Variants in ART1 observed in about 807,000 individuals in gnomAD.
ART1 encodes ADP-ribosyltransferase 1.
In ART1, 29 loss-of-function variants were observed where a neutral mutation model predicts 27.0. That is an observed-to-expected ratio of 1.08 (90% CI 0.80 to 1.47). The LOEUF is 1.47. Among genes scored for constraint, ART1 ranks in the 40% most tolerant of loss-of-function variants. The probability of loss-of-function intolerance (pLI) is 0.00; values close to 1 mark genes in which losing one functional copy is unlikely to be tolerated. For synonymous variants in ART1, 201 were observed against 172.2 expected (o/e 1.17, Z -1.31); for missense variants, 480 against 423.0 (o/e 1.13, Z -1.18).
rs958319855 is a variant in ART1, at chr11:3,648,294, C to T, written c.-53+3115C>T. Among the ~76,000 whole-genome samples the T allele has an allele frequency of 1.2e-4, 18 of 152,218 alleles. 1 individual carries two copies. Among genetic ancestry groups the T allele is most frequent in the East Asian group, 5.8e-4 (3 of 5,200 alleles). On this transcript the variant is annotated intron_variant, in intron 1 of 4. Coordinates refer to ENST00000250693, the MANE Select transcript of ART1 (RefSeq NM_004314.3). The stretch of plus-strand genomic sequence containing the variant: ...AAGCCTGTTTGGTGGTGTCTTCACA[C>T]GGACGCGCATGAAATTTGGTGCCCT...
chr11:3,656,142 C>T (rs2077572980), intron 1 of ART1, among the ~76,000 whole-genome samples: 1 of 151,888 alleles, frequency 6.6e-6, no homozygotes, highest in Non-Finnish European at 1.5e-5. Context: ...CCATGTTGGC[C>T]AGTCTGGTTT....
chr11:3,663,598 ATTT>A (rs1031937100), intron 4 of ART1, among the ~76,000 whole-genome samples: 1 of 151,812 alleles, frequency 6.6e-6, no homozygotes, highest in Non-Finnish European at 1.5e-5. Flanking sequence ...TATTAAAAAA[ATTT>A]TTTTTTGAGA....
At chr11:3,660,447 A>G in intron 3 of ART1, 84 bp downstream of exon 3, 1 of 1,446,512 alleles carries the variant, frequency 6.9e-7, no homozygotes, top group South Asian at 1.3e-5. Context: ...CGAAGCCCCT[A>G]TCTCCTGTGT....
At chr11:3,648,506 C>T (rs906256212) in intron 1 of ART1, among the ~76,000 whole-genome samples, 4 of 152,218 alleles carry the variant, frequency 2.6e-5, no homozygotes, top group African/African-American at 9.6e-5. Context: ...TATCCCTCAA[C>T]CTCTTTCCCC....
intron 1 of ART1, among the ~76,000 whole-genome samples, chr11:3,653,466 C>A (rs1021746041): frequency 2.0e-5 from 3 of 149,606 alleles, no homozygotes; most frequent in Non-Finnish European, 4.4e-5. Flanking sequence ...GAGAACAACC[C>A]CCCTTTGACT....
At chr11:3,662,336 G>A (rs2077627177) in intron 4 of ART1, among the ~76,000 whole-genome samples, 2 of 152,182 alleles carry the variant, frequency 1.3e-5, no homozygotes, top group South Asian at 4.1e-4. Flanking sequence ...AGGCCACCAT[G>A]TTTCTAGGTG....
At chr11:3,661,924 G>A (rs973692628) in intron 4 of ART1, among the ~76,000 whole-genome samples, 5 of 152,220 alleles carry the variant, frequency 3.3e-5, no homozygotes, top group Non-Finnish European at 7.3e-5. Flanking sequence ...ATGGTTGAGG[G>A]AGCAGGGACA....
chr11:3,659,835 C>A lies in ART1; in HGVS notation c.316C>A (p.Pro106Thr), dbSNP rs1208223319. Residue 106 changes from proline (P) to threonine (T), a missense_variant, in exon 3 of 5, where the codon CCA becomes ACA. By Grantham distance (38) the Pro-to-Thr change is conservative. Transcript: ENST00000250693. Reference sequence around the variant, plus strand: ...TCTCAGCCCCACCCGTCCATCCCCGCCACCCCTGGGCTTCCGCGATGAGCA... The same window carrying A: ...TCTCAGCCCCACCCGTCCATCCCCGACACCCCTGGGCTTCCGCGATGAGCA... Reference protein sequence around the residue: ...WSLSPTRPSPPPLGFRDEHGV... With the variant: ...WSLSPTRPSPTPLGFRDEHGV... The A allele has an allele frequency of 1.9e-6, 3 of 1,612,072 alleles. No individual in the cohort carries two copies. Among genetic ancestry groups the A allele is most frequent in the Admixed American group, 3.3e-5 (2 of 59,936 alleles).
chr11:3,648,662 G>C (rs182687101), intron 1 of ART1, among the ~76,000 whole-genome samples: 1 of 152,204 alleles, frequency 6.6e-6, no homozygotes, highest in East Asian at 1.9e-4. Flanking sequence ...CCTTCCCTTG[G>C]TGTTTAATCA....
In ART1 at chr11:3,653,067, G is replaced by C. The variant is rs563629268; in HGVS notation, c.-52-6095G>C. Among the ~76,000 whole-genome samples, 3 of 148,192 alleles carry C rather than the reference G, an allele frequency of 2.0e-5. 1 individual carries two copies. In the East Asian group the frequency reaches 5.9e-4, roughly 29 times the overall value. ...CCCCTTACCACAAAATCTTCGTTCA[G>C]CTTAATCTCTCCCACTCGAGGTTCC... is the stretch of plus-strand genomic sequence containing the variant. On this transcript the variant is annotated intron_variant, in intron 1 of 4. Coordinates refer to ENST00000250693, the MANE Select transcript of ART1 (RefSeq NM_004314.3).
rs972318380 is a variant in ART1, at chr11:3,654,764, A to G, written c.-52-4398A>G. 2.1e-5 allele frequency among the ~76,000 whole-genome samples: 3 copies of G among 146,070 alleles called. No individual in the cohort carries two copies. In the South Asian group the frequency reaches 6.8e-4, roughly 33 times the overall value. ...TGTCTATCCTCACTGCCATTCTCCC[A>G]TCAGACATCAAGTCTTGTAAATTCC... On this transcript the variant is annotated intron_variant, in intron 1 of 4. Transcript: ENST00000250693.
Position 3,645,925 on chromosome 11 carries a change from C to T in ART1, c.-53+746C>T, listed in dbSNP as rs541397355. 5.3e-5 allele frequency among the ~76,000 whole-genome samples: 8 copies of T among 152,184 alleles called. No homozygotes were observed. The South Asian group carries it at 1.0e-3, about 20-fold the overall frequency. On this transcript the variant is annotated intron_variant, in intron 1 of 4. Coordinates refer to ENST00000250693, the MANE Select transcript of ART1 (RefSeq NM_004314.3). ...GCCACAGGGAGGGTAACCACGGAGC[C>T]GCACCTGCGACGTTGTTCTGCACTA... is the stretch of plus-strand genomic sequence containing the variant.
In ART1 at chr11:3,659,855, T is replaced by C; in HGVS notation, c.336T>C (p.Asp112=). Residue 112 remains aspartate (D), a synonymous_variant, in exon 3 of 5, where the codon GAT becomes GAC. Coordinates refer to ENST00000250693, the MANE Select transcript of ART1 (RefSeq NM_004314.3). ...RPSPPPLGFR[D]EHGVALLAYT... Reference sequence around the variant, plus strand: ...CCCCGCCACCCCTGGGCTTCCGCGATGAGCATGGGGTGGCCCTCCTGGCCT... The same window carrying C: ...CCCCGCCACCCCTGGGCTTCCGCGACGAGCATGGGGTGGCCCTCCTGGCCT... The C allele has an allele frequency of 2.5e-6, 4 of 1,612,732 alleles. No individual in the cohort carries two copies. The highest frequency in any genetic ancestry group is 1.1e-5 in the South Asian group (1 of 90,968).
intron 1 of ART1, among the ~76,000 whole-genome samples, chr11:3,656,616 A>T (rs1214122951): frequency 6.6e-6 from 1 of 152,020 alleles, no homozygotes; most frequent in Non-Finnish European, 1.5e-5. Flanking sequence ...TCCTGACTTC[A>T]GGTGATCCGC....
chr11:3,646,311 T>C (rs922150682), intron 1 of ART1, among the ~76,000 whole-genome samples: 27 of 151,536 alleles, frequency 1.8e-4, no homozygotes, highest in Non-Finnish European at 3.2e-4. Context: ...GCAGGGGGTG[T>C]GGATGTTGAA....
chr11:3,651,996 C>T (rs943293148), intron 1 of ART1, among the ~76,000 whole-genome samples: 12 of 151,688 alleles, frequency 7.9e-5, no homozygotes, highest in Non-Finnish European at 1.3e-4. Flanking sequence ...CAGCCCGCCT[C>T]TTAGAACCTC....
chr11:3,649,610 A>G (rs1176059834), intron 1 of ART1, among the ~76,000 whole-genome samples: 2 of 152,030 alleles, frequency 1.3e-5, no homozygotes, highest in African/African-American at 2.4e-5. Flanking sequence ...CTAGGTCCCA[A>G]TTCTTCCTCA....
rs1589923774 is a variant in ART1 at position 3,658,937 on chromosome 11, C to A, written c.-52-225C>A. On this transcript the variant is annotated intron_variant, in intron 1 of 4. Coordinates refer to ENST00000250693, the MANE Select transcript of ART1 (RefSeq NM_004314.3). ...CCACCCAAACACCAGTCTTTTCTCT[C>A]CCAGTCTCCACTTGCTGACATCTTA... Among the ~76,000 whole-genome samples the A allele has an allele frequency of 4.6e-5, 7 of 152,168 alleles. 1 individual carries two copies. The highest frequency in any genetic ancestry group is 4.6e-4 in the Admixed American group (7 of 15,252).
chr11:3,650,930 C>A, intron 1 of ART1, among the ~76,000 whole-genome samples: 1 of 149,386 alleles, frequency 6.7e-6, no homozygotes, highest in Admixed American at 6.9e-5. Context: ...ATGCCAGTAT[C>A]CCATCCCACA....
Sources: gnomAD v4.1 joint callset for allele counts (sites outside exome capture counted in the v4.1 genomes callset) on GRCh38, gnomAD v4.1.1 for gene constraint, MANE v1.5 for transcripts, NCBI Gene and HGNC (gene_info 2026-07-23, HGNC 2026-07-21) for gene names.